The following UBA7 variants were observed in gnomAD, a reference collection of about 807,000 sequenced individuals.
The protein encoded by UBA7 is ubiquitin like modifier activating enzyme 7, also known as ubiquitin-like modifier-activating enzyme 7.
UBA7 carries 88 observed loss-of-function variants against 113.0 expected under a neutral mutation model. The ratio of observed to expected loss-of-function variants is 0.78; its 90% CI spans 0.66 to 0.93. The LOEUF is 0.93. Ranked by LOEUF, UBA7 falls within the 40% of genes least tolerant of loss-of-function variation. UBA7 has a pLI of 0.00. For missense variants in UBA7, 1,092 were observed against 1,266.4 expected (o/e 0.86, Z 2.09); for synonymous variants, 459 against 513.0 (o/e 0.89, Z 1.42).
rs1559438959 is a variant in UBA7 at position 49,813,809 on chromosome 3, G to A, written c.-22C>T. On this transcript the variant is annotated 5_prime_UTR_variant, in exon 1 of 24. Coordinates refer to ENST00000333486, the MANE Select transcript of UBA7 (RefSeq NM_003335.3). ...CCATCCTCAAACCTGGGGCTGAACA[G>A]TAGGCTGCAGCGCTCAGAGATAGGG... The A allele has an allele frequency of 2.5e-6, 4 of 1,613,886 alleles. No homozygotes were observed. Among genetic ancestry groups the A allele is most frequent in the South Asian group, 1.1e-5 (1 of 91,044 alleles).
chr3:49,807,697 A>T lies in UBA7; in HGVS notation c.2715+39T>A. ...GTATGGGCAGGTGCAGGGGAAACCCAGGCCTAGTAGGGCTAAGGGTGGGGT... is the reference window on the plus strand; with the variant it reads ...GTATGGGCAGGTGCAGGGGAAACCCTGGCCTAGTAGGGCTAAGGGTGGGGT... On this transcript the variant is annotated intron_variant, in intron 21 of 23. Coordinates refer to ENST00000333486, the MANE Select transcript of UBA7 (RefSeq NM_003335.3). The surrounding 1 kb of genome is among the most constrained non-coding windows in gnomAD (Gnocchi z 4.0). 2 of 1,561,102 alleles carry T rather than the reference A, an allele frequency of 1.3e-6. No homozygotes were observed. The highest frequency in any genetic ancestry group is 1.2e-5 in the South Asian group (1 of 81,876).
rs1281877760 is a variant in UBA7 at position 49,810,861 on chromosome 3, G to T, written c.1231-29C>A. 6.2e-6 allele frequency: 10 copies of T among 1,612,654 alleles called. No individual in the cohort carries two copies. Among genetic ancestry groups the T allele is most frequent in the Non-Finnish European group, 8.5e-6 (10 of 1,178,684 alleles). ...GGGGACAGAGACGGGGTCAGTGATG[G>T]CTACTGGCCTGCATCTCCTTCTTAT... On this transcript the variant is annotated intron_variant, in intron 10 of 23. Coordinates refer to ENST00000333486, the MANE Select transcript of UBA7 (RefSeq NM_003335.3). This position sits in a 1 kb window ranked among gnomAD's most constrained non-coding sequence, Gnocchi z 5.6.
At chr3:49,805,823 CA>C in intron 23 of UBA7, 73 bp downstream of exon 23, 5 of 1,403,346 alleles carry the variant, frequency 3.6e-6, no homozygotes, top group Non-Finnish European at 4.9e-6. Flanking sequence ...GCTGGGAAGA[CA>C]AAAGGCAGTG....
In UBA7 at chr3:49,813,291, C is replaced by A. The variant is rs1364544503; in HGVS notation, c.318G>T (p.Val106=). The change falls in exon 3 of 24, where the codon GTG becomes GTT. Residue 106 remains valine, a synonymous_variant. Coordinates refer to ENST00000333486, the MANE Select transcript of UBA7 (RefSeq NM_003335.3). ...AQLNRAVQVV[V]HTGDITEDLL... ...GGTCCTCAGTGATGTCACCCGTGTG[C>A]ACGACGACCTGGACAGCTCTGTTGA... 6.2e-7 allele frequency: 1 copy of A among 1,614,204 alleles called. No homozygotes were observed. The highest frequency in any genetic ancestry group is 1.1e-5 in the South Asian group (1 of 91,086).
In UBA7 at chr3:49,809,191, A is replaced by G. The variant is rs147010468; in HGVS notation, c.2164-32T>C. The G allele has an allele frequency of 1.6e-5, 26 of 1,589,194 alleles. No homozygotes were observed. In the East Asian group the frequency reaches 2.3e-4, roughly 14 times the overall value. On this transcript the variant is annotated intron_variant, in intron 17 of 23. Coordinates refer to ENST00000333486, the MANE Select transcript of UBA7 (RefSeq NM_003335.3). ...CCAGACCAAGAGCAGGAACAGAGGCATGGGTGCATGGGGTGGGGGTCACTG... is the reference window on the plus strand; with the variant it reads ...CCAGACCAAGAGCAGGAACAGAGGCGTGGGTGCATGGGGTGGGGGTCACTG...
Position 49,809,719 on chromosome 3 carries a change from G to A in UBA7, c.1911C>T (p.His637=). Residue 637 remains histidine (H), a synonymous_variant, in exon 16 of 24, where the codon CAC becomes CAT. Transcript: ENST00000333486. ...GCTCATCCATGTCTGCCAGGGAAGT[G>A]TGTGCCCTGCAGAGAGAGGAGGAAG... is the stretch of plus-strand genomic sequence containing the variant. ...AETINHHQQA[H]TSLADMDEPQ... is the part of the protein sequence containing the mutation. The A allele has an allele frequency of 1.2e-6, 2 of 1,614,148 alleles. No homozygotes were observed. The highest frequency in any genetic ancestry group is 1.7e-6 in the Non-Finnish European group (2 of 1,180,026).
chr3:49,809,519 C>T lies in UBA7; in HGVS notation c.2088+23G>A, dbSNP rs559047345. Reference sequence around the variant, plus strand: ...CAGTCTGGTCCCCCTGAGCCCCCAGCGTCCCAACCCCTAGCCACACACTTT... The same window carrying T: ...CAGTCTGGTCCCCCTGAGCCCCCAGTGTCCCAACCCCTAGCCACACACTTT... On this transcript the variant is annotated intron_variant, in intron 16 of 23. Transcript: ENST00000333486. 8 of 1,613,582 alleles carry T rather than the reference C, an allele frequency of 5.0e-6. No homozygotes were observed. The East Asian group carries it at 8.9e-5, about 18-fold the overall frequency.
In UBA7 at chr3:49,807,904, A is replaced by G. The variant is rs760259940; in HGVS notation, c.2547T>C (p.Ile849=). ...RAQSKRIVGQ[I]IPAIATTTAA... is the part of the protein sequence containing the mutation. ...CTGTAGTGGTGGCAATGGCTGGGAT[A>G]ATCTGGCCCACAATTCGCTTGCTCT... The change falls in exon 21 of 24, where the codon ATT becomes ATC. Residue 849 remains isoleucine (I), a synonymous_variant. Coordinates refer to ENST00000333486, the MANE Select transcript of UBA7 (RefSeq NM_003335.3). The surrounding 1 kb of genome is among the most constrained non-coding windows in gnomAD (Gnocchi z 4.0). 5.8e-5 allele frequency: 93 copies of G among 1,612,374 alleles called. No individual in the cohort carries two copies. The highest frequency in any genetic ancestry group is 7.6e-5 in the Non-Finnish European group (90 of 1,178,782).
chr3:49,810,964 C>A lies in UBA7; in HGVS notation c.1230+20G>T. ...GTCCTGATTTTGGACAAGGCTTGCA[C>A]CCCTATCCCAGGCTCTCACCAGGGC... On this transcript the variant is annotated intron_variant, in intron 10 of 23. Coordinates refer to ENST00000333486, the MANE Select transcript of UBA7 (RefSeq NM_003335.3). This position sits in a 1 kb window ranked among gnomAD's most constrained non-coding sequence, Gnocchi z 5.6. 6.2e-7 allele frequency: 1 copy of A among 1,613,418 alleles called. No individual in the cohort carries two copies. The highest frequency in any genetic ancestry group is 8.5e-7 in the Non-Finnish European group (1 of 1,179,382).
In UBA7 at chr3:49,811,343, AG is replaced by A; in HGVS notation, c.1051del (p.Leu351Ter). 2 of 1,614,212 alleles carry A rather than the reference AG, an allele frequency of 1.2e-6. No individual in the cohort carries two copies. The highest frequency in any genetic ancestry group is 1.7e-6 in the Non-Finnish European group (2 of 1,180,032). ...AGGGCTCAAGACACCTGCACTGCTT[AG>A]GGCGACTGTCCGCACTAGGGCCTCA... ...LDEALVRTVA[L>X]SSAGVLSPMV... is the part of the protein sequence containing the mutation. On this transcript the variant is annotated frameshift_variant, in exon 9 of 24. Transcript: ENST00000333486. LOFTEE classifies it high-confidence loss of function.
Position 49,808,369 on chromosome 3 carries a change from G to A in UBA7, c.2430+17C>T, listed in dbSNP as rs2081489087. ...AAACTCCCCAGCCCCACTCCTCACT[G>A]CCACTTGGGCACCCACCTTCTCAAA... On this transcript the variant is annotated intron_variant, in intron 19 of 23. Transcript: ENST00000333486. 2 of 1,614,096 alleles carry A rather than the reference G, an allele frequency of 1.2e-6. No individual in the cohort carries two copies. The highest frequency in any genetic ancestry group is 1.7e-6 in the Non-Finnish European group (2 of 1,179,960).
At position 49,805,252 on chromosome 3, in the gene UBA7, A is replaced by G. The variant is rs1279080983; in HGVS notation, c.*56T>C. On this transcript the variant is annotated 3_prime_UTR_variant, in exon 24 of 24. Coordinates refer to ENST00000333486, the MANE Select transcript of UBA7 (RefSeq NM_003335.3). ...ATTGAGTGCCTACTGTGGGCTTACA[A>G]TGCAGGGCTTGGGATCCGGGGCTCC... 38 of 1,559,494 alleles carry G rather than the reference A, an allele frequency of 2.4e-5. No homozygotes were observed. Among genetic ancestry groups the G allele is most frequent in the Admixed American group, 5.3e-5 (3 of 57,024 alleles).
At chr3:49,811,719 G>T in intron 8 of UBA7, 151 bp downstream of exon 8, 1 of 1,369,842 alleles carries the variant, frequency 7.3e-7, no homozygotes, top group Non-Finnish European at 1.0e-6. Context: ...CCCAGGATGT[G>T]TGCCTGGCAC....
Position 49,806,110 on chromosome 3 carries a change from G to C in UBA7, c.2771C>G (p.Pro924Arg). Reference sequence around the variant, plus strand: ...CAGCAGCGACTCCAGGGTCCTCTCAGGCTGCCCAGCTGGTACCTTCAGACG... The same window carrying C: ...CAGCAGCGACTCCAGGGTCCTCTCACGCTGCCCAGCTGGTACCTTCAGACG... ...WDRLKVPAGQPERTLESLLAH... is the reference protein window; with the variant it reads ...WDRLKVPAGQRERTLESLLAH... The change falls in exon 22 of 24, where the codon CCT becomes CGT. Residue 924 changes from proline to arginine, a missense_variant. Around this residue, in one of 3 missense-constraint regions of UBA7, gnomAD observed 500 missense variants for 529.3 expected, o/e 0.94. Coordinates refer to ENST00000333486, the MANE Select transcript of UBA7 (RefSeq NM_003335.3). 1 of 1,600,276 alleles carries C rather than the reference G, an allele frequency of 6.2e-7. No individual in the cohort carries two copies. The highest frequency in any genetic ancestry group is 2.3e-5 in the East Asian group (1 of 44,408).
In UBA7 at chr3:49,808,859, G is replaced by A. The variant is rs181637126; in HGVS notation, c.2347+117C>T. Reference sequence around the variant, plus strand: ...GGAGTGAGGTTAGGAGGCCTGAGAGGTAGCAAATTGGCTGTAGATCCCCTA... The same window carrying A: ...GGAGTGAGGTTAGGAGGCCTGAGAGATAGCAAATTGGCTGTAGATCCCCTA... On this transcript the variant is annotated intron_variant, in intron 18 of 23. Transcript: ENST00000333486. 53 of 1,330,318 alleles carry A rather than the reference G, an allele frequency of 4.0e-5. 1 individual carries two copies. In the African/African-American group the frequency reaches 6.3e-4, roughly 16 times the overall value. 82.4% of individuals were successfully genotyped at this position (1,330,318 alleles called of 1,614,324 possible). A position where few individuals can be genotyped will look rare whatever the true frequency, so the allele number is the denominator to read the frequency against.
chr3:49,805,544 C>A, intron 23 of UBA7, 107 bp from the exon 24 acceptor site: 1 of 1,002,144 alleles, frequency 1.0e-6, no homozygotes, highest in South Asian at 1.3e-5. Flanking sequence ...GAGCCCAAGC[C>A]AGGAGCAGGA....
In UBA7 at chr3:49,810,846, A is replaced by T; in HGVS notation, c.1231-14T>A. The T allele has an allele frequency of 6.2e-7, 1 of 1,614,060 alleles. No individual in the cohort carries two copies. Among genetic ancestry groups the T allele is most frequent in the Non-Finnish European group, 8.5e-7 (1 of 1,179,974 alleles). On this transcript the variant is annotated splice_polypyrimidine_tract_variant and intron_variant, in intron 10 of 23. Transcript: ENST00000333486. This position sits in a 1 kb window ranked among gnomAD's most constrained non-coding sequence, Gnocchi z 5.6. ...GCGGCTGCCTCTCTAGGGGACAGAG[A>T]CGGGGTCAGTGATGGCTACTGGCCT...
In UBA7 at chr3:49,807,856, G is replaced by A. The variant is rs1239846594; in HGVS notation, c.2595C>T (p.Gly865=). Residue 865 remains glycine (G), a synonymous_variant, in exon 21 of 24, where the codon GGC becomes GGT. Coordinates refer to ENST00000333486, the MANE Select transcript of UBA7 (RefSeq NM_003335.3). The surrounding 1 kb of genome is among the most constrained non-coding windows in gnomAD (Gnocchi z 4.0). ...CACTCACCACCTTATACAGCTCCAG[G>A]CCCAACAGGCCTGCCACAGCTGCTG... ...TTTAAVAGLL[G]LELYKVVSGP... 1.9e-6 allele frequency: 3 copies of A among 1,613,962 alleles called. No individual in the cohort carries two copies. The highest frequency in any genetic ancestry group is 2.5e-6 in the Non-Finnish European group (3 of 1,179,884).
In UBA7 at chr3:49,810,241, A is replaced by G; in HGVS notation, c.1633+22T>C. On this transcript the variant is annotated intron_variant, in intron 13 of 23. Coordinates refer to ENST00000333486, the MANE Select transcript of UBA7 (RefSeq NM_003335.3). This position sits in a 1 kb window ranked among gnomAD's most constrained non-coding sequence, Gnocchi z 5.6. ...TGGCACAGCTGTGGGCAAGGGACTG[A>G]CCTCCGAAGTCAAGCACTCACGGGC... The G allele has an allele frequency of 6.2e-7, 1 of 1,613,308 alleles. No individual in the cohort carries two copies. Among genetic ancestry groups the G allele is most frequent in the Non-Finnish European group, 8.5e-7 (1 of 1,179,678 alleles).
Sources: allele counts gnomAD v4.1 joint callset, GRCh38; gene constraint gnomAD v4.1.1; regional missense constraint gnomAD v4.1.1; non-coding constraint Gnocchi (gnomAD v3.1); transcripts MANE v1.5; gene names NCBI Gene and HGNC (gene_info 2026-07-23, HGNC 2026-07-21).